The following MTMR9 variants were observed in gnomAD, a reference collection of about 807,000 sequenced individuals.
MTMR9 encodes the protein myotubularin-related protein 9.
A neutral mutation model predicts 69.5 loss-of-function variants in MTMR9; 39 were observed. The observed-to-expected ratio is 0.56, with a 90% CI of 0.43 to 0.73. The LOEUF is 0.73. Ranked by LOEUF, MTMR9 falls within the 30% of genes least tolerant of loss-of-function variation. The pLI is 0.00. For missense variants in MTMR9, 900 were observed against 671.2 expected (o/e 1.34, Z -3.77); for synonymous variants, 354 against 240.8 (o/e 1.47, Z -4.35).
In MTMR9 at chr8:11,315,079, T is replaced by C; in HGVS notation, c.1113+15T>C. ...AGTGGCTGCAGGTGAGAAGAGCTGT[T>C]TGATTCACAGAGGAACTGCTTATTG... On this transcript the variant is annotated intron_variant, in intron 7 of 9. Coordinates refer to ENST00000221086, the MANE Select transcript of MTMR9 (RefSeq NM_015458.4). The C allele has an allele frequency of 6.2e-7, 1 of 1,609,726 alleles. No homozygotes were observed. The highest frequency in any genetic ancestry group is 8.5e-7 in the Non-Finnish European group (1 of 1,176,494).
chr8:11,333,363 A>G, the MTMR9 span, among the ~76,000 whole-genome samples: 1 of 152,232 alleles, frequency 6.6e-6, no homozygotes, highest in Non-Finnish European at 1.5e-5. Context: ...TTAAATGTTG[A>G]AAGAAAATAA....
At chr8:11,322,547 A>T in intron 9 of MTMR9, 78 bp from the exon 10 acceptor site, 1 of 1,233,266 alleles carries the variant, frequency 8.1e-7, no homozygotes, top group Non-Finnish European at 1.2e-6. Flanking sequence ...TACATAAATT[A>T]CATCTTATCC....
chr8:11,311,085 A>G (rs1800178666), intron 6 of MTMR9, among the ~76,000 whole-genome samples: 1 of 152,226 alleles, frequency 6.6e-6, no homozygotes, highest in South Asian at 2.1e-4. Flanking sequence ...TAGAGTTTAA[A>G]TGAATTGAAT....
chr8:11,324,468 T>G lies in MTMR9; in HGVS notation c.*1680T>G, dbSNP rs1023344324. The G allele has an allele frequency of 6.6e-6, 1 of 150,882 alleles. No homozygotes were observed. The highest frequency in any genetic ancestry group is 1.5e-5 in the Non-Finnish European group (1 of 67,934). The allele number at this position is 150,882 out of a possible 1,614,324, so 9.3% of individuals were successfully genotyped here. ...ATGGCAAGGAGCATAAGAGATGTTC[T>G]CGTAGCTCTGCGTTGTGTGAAATGT... On this transcript the variant is annotated 3_prime_UTR_variant, in exon 10 of 10. Transcript: ENST00000221086.
At chr8:11,298,750 CT>C in intron 2 of MTMR9, 1 of 670,614 alleles carries the variant, frequency 1.5e-6, no homozygotes, top group African/African-American at 2.3e-5. Context: ...TATAGAAATA[CT>C]TTTTTCCATA....
chr8:11,338,030 G>A, the MTMR9 span, among the ~76,000 whole-genome samples: 1 of 152,254 alleles, frequency 6.6e-6, no homozygotes, highest in African/African-American at 2.4e-5. Context: ...AGGAGAACAT[G>A]TCTGGGAATG....
chr8:11,310,956 A>C (rs1372754472), intron 6 of MTMR9, among the ~76,000 whole-genome samples: 4 of 152,164 alleles, frequency 2.6e-5, no homozygotes, highest in Non-Finnish European at 4.4e-5. Context: ...ACTCTTGGGA[A>C]GGTTCAGGGT....
chr8:11,332,968 C>T (rs1801290408), downstream of MTMR9, among the ~76,000 whole-genome samples: 1 of 152,132 alleles, frequency 6.6e-6, no homozygotes, highest in Non-Finnish European at 1.5e-5. Context: ...TTGAAATTAT[C>T]CACTCTGAGG....
chr8:11,335,648 G>C, the MTMR9 span, among the ~76,000 whole-genome samples: 2 of 152,270 alleles, frequency 1.3e-5, no homozygotes, highest in Admixed American at 1.3e-4. Flanking sequence ...TCAACTTCAA[G>C]ATTTATTATA....
chr8:11,328,961 C>T (rs933171736), downstream of MTMR9, among the ~76,000 whole-genome samples: 9 of 152,024 alleles, frequency 5.9e-5, no homozygotes, highest in South Asian at 2.1e-4. Flanking sequence ...TTTTGTATAC[C>T]GTGTAAGGTA....
intron 3 of MTMR9, 131 bp from the exon 4 acceptor site, chr8:11,304,710 C>T (rs1427544912): frequency 3.5e-6 from 3 of 853,938 alleles, no homozygotes; most frequent in East Asian, 5.0e-5. Flanking sequence ...AGCTAGAGAT[C>T]CACCTGTGAA....
intron 4 of MTMR9, 38 bp from the exon 5 acceptor site, chr8:11,306,152 C>A (rs371407080): frequency 6.3e-7 from 1 of 1,574,876 alleles, no homozygotes; most frequent in Admixed American, 1.7e-5. Flanking sequence ...ACTTTAAAAG[C>A]AACTGCTGTT....
chr8:11,294,674 A>C (rs970596729), intron 1 of MTMR9: 3 of 151,960 alleles, frequency 2.0e-5, no homozygotes, highest in African/African-American at 7.3e-5. Context: ...TATTTTTAGC[A>C]GAGACAGAAT....
At chr8:11,329,567 C>T (rs541825001), downstream of MTMR9, among the ~76,000 whole-genome samples, 7 of 152,362 alleles carry the variant, frequency 4.6e-5, no homozygotes, top group East Asian at 7.7e-4. Flanking sequence ...CCGCCAGCCT[C>T]GGCCTCCTGA....
chr8:11,313,457 T>A (rs1800286187), intron 6 of MTMR9, among the ~76,000 whole-genome samples: 2 of 152,244 alleles, frequency 1.3e-5, no homozygotes, highest in South Asian at 4.1e-4. Flanking sequence ...CACAACTTGA[T>A]TAACTAGTGC....
In MTMR9 at chr8:11,326,710, C is replaced by G. The variant is rs1021692385; in HGVS notation, c.*3922C>G. On this transcript the variant is annotated 3_prime_UTR_variant, in exon 10 of 10. Coordinates refer to ENST00000221086, the MANE Select transcript of MTMR9 (RefSeq NM_015458.4). Reference sequence around the variant, plus strand: ...TATAGGCTGGGCATGGTGGCTTACGCCTGTAATCCCAGCACTTTGGGAGGC... The same window carrying G: ...TATAGGCTGGGCATGGTGGCTTACGGCTGTAATCCCAGCACTTTGGGAGGC... 1 of 152,324 alleles carries G rather than the reference C, an allele frequency of 6.6e-6. No individual in the cohort carries two copies. The highest frequency in any genetic ancestry group is 1.5e-5 in the Non-Finnish European group (1 of 68,126). The allele number at this position is 152,324 out of a possible 1,614,324, so 9.4% of individuals were successfully genotyped here.
chr8:11,307,107 T>C (rs1353974634), intron 5 of MTMR9, among the ~76,000 whole-genome samples: 1 of 152,216 alleles, frequency 6.6e-6, no homozygotes, highest in Non-Finnish European at 1.5e-5. Context: ...AGTCTTGCTC[T>C]GTCAGCCAGG....
At chr8:11,302,811 C>G (rs1189860213) in intron 3 of MTMR9, among the ~76,000 whole-genome samples, 3 of 151,984 alleles carry the variant, frequency 2.0e-5, no homozygotes, top group Non-Finnish European at 4.4e-5. Context: ...AGGAAAGAAT[C>G]TTGAGATCAT....
chr8:11,292,121 G>T (rs1799397729), intron 1 of MTMR9, among the ~76,000 whole-genome samples: 1 of 152,044 alleles, frequency 6.6e-6, no homozygotes, highest in Non-Finnish European at 1.5e-5. Flanking sequence ...CATAAATCAT[G>T]CAGTACTCTC....
Sources: gnomAD v4.1 joint callset for allele counts (sites outside exome capture counted in the v4.1 genomes callset) on GRCh38, gnomAD v4.1.1 for gene constraint, MANE v1.5 for transcripts, NCBI Gene and HGNC (gene_info 2026-07-23, HGNC 2026-07-21) for gene names.